Variants in IGF1R observed in about 807,000 individuals in gnomAD.
IGF1R encodes the protein insulin like growth factor 1 receptor.
A neutral mutation model predicts 144.6 loss-of-function variants in IGF1R; 44 were observed. That is an observed-to-expected ratio of 0.30 (90% CI 0.24 to 0.39). IGF1R has a LOEUF of 0.39. IGF1R is among the 10% of genes least tolerant of loss of function. IGF1R has a pLI of 1.00. For synonymous variants in IGF1R, 795 were observed against 722.8 expected (o/e 1.10, Z -1.60); for missense variants, 1,355 against 1,833.7 (o/e 0.74, Z 4.77).
intron 2 of IGF1R, among the ~76,000 whole-genome samples, chr15:98,799,108 G>T (rs897016426): frequency 2.0e-5 from 3 of 152,058 alleles, no homozygotes; most frequent in African/African-American, 7.2e-5. Context: ...ATGTTTTGAT[G>T]GTTGAAGGGC....
chr15:98,896,138 A>G (rs374832667), intron 3 of IGF1R, among the ~76,000 whole-genome samples: 18 of 152,316 alleles, frequency 1.2e-4, no homozygotes, highest in African/African-American at 4.3e-4. Context: ...CAAAAGCAAC[A>G]TTTGGATCAA....
intron 1 of IGF1R, among the ~76,000 whole-genome samples, chr15:98,685,865 T>G (rs113868972): frequency 0.011 from 1,618 of 152,304 alleles, 14 homozygotes; most frequent in Middle Eastern, 0.017. Flanking sequence ...CATTTTGAAC[T>G]TTAAAGGGTG....
At chr15:98,851,506 C>T (rs2011527180) in intron 2 of IGF1R, among the ~76,000 whole-genome samples, 1 of 152,182 alleles carries the variant, frequency 6.6e-6, no homozygotes, top group Non-Finnish European at 1.5e-5. Flanking sequence ...TCCTACCTTC[C>T]CAGTCCTCCA....
chr15:98,840,272 CAG>C (rs2011151161), intron 2 of IGF1R, among the ~76,000 whole-genome samples: 1 of 152,200 alleles, frequency 6.6e-6, no homozygotes, highest in Admixed American at 6.5e-5. Context: ...ACTGCAAAAA[CAG>C]TGCGCACTGT....
At chr15:98,714,150 A>T (rs2054059920) in intron 2 of IGF1R, among the ~76,000 whole-genome samples, 4 of 151,452 alleles carry the variant, frequency 2.6e-5, no homozygotes, top group African/African-American at 7.3e-5. Flanking sequence ...CATCTCACTG[A>T]CTTAAAATGA....
chr15:98,934,684 A>G (rs1407436876), intron 15 of IGF1R, 140 bp from the exon 16 acceptor site: 2 of 741,822 alleles, frequency 2.7e-6, no homozygotes, highest in East Asian at 5.4e-5. Context: ...AGTTGACATC[A>G]AGCCATGCCA....
chr15:98,649,549 TGAGA>T lies in IGF1R; in HGVS notation c.-32_-29del. On this transcript the variant is annotated 5_prime_UTR_variant, in exon 1 of 21. Transcript: ENST00000650285. ...TCTTTTTTTTTTTTTTTTTTTTTTT[TGAGA>T]AAGGGGAATTTCATCCCAAATAAAA... 9 of 651,908 alleles carry T rather than the reference TGAGA, an allele frequency of 1.4e-5. No individual in the cohort carries two copies. Among genetic ancestry groups the T allele is most frequent in the Admixed American group, 3.5e-5 (1 of 28,442 alleles). The allele number at this position is 651,908 out of a possible 1,614,324, so 40.4% of individuals were successfully genotyped here.
intron 2 of IGF1R, among the ~76,000 whole-genome samples, chr15:98,723,345 T>A (rs1181252618): frequency 6.6e-6 from 1 of 152,200 alleles, no homozygotes; most frequent in Non-Finnish European, 1.5e-5. Flanking sequence ...AAACTCTGCA[T>A]ATGATCTTTG....
chr15:98,750,439 T>TC (rs1318774048), intron 2 of IGF1R, among the ~76,000 whole-genome samples: 1 of 152,216 alleles, frequency 6.6e-6, no homozygotes, highest in Admixed American at 6.5e-5. Context: ...TAGGGATTTG[T>TC]CCAAGAGCAG....
intron 17 of IGF1R, among the ~76,000 whole-genome samples, chr15:98,936,754 C>G (rs1042412902): frequency 6.6e-6 from 1 of 152,072 alleles, no homozygotes; most frequent in South Asian, 2.1e-4. Context: ...CAAGTGTGGA[C>G]TGGGGCTTCA....
intron 1 of IGF1R, among the ~76,000 whole-genome samples, chr15:98,693,667 A>G (rs2053532427): frequency 2.6e-5 from 4 of 152,134 alleles, no homozygotes; most frequent in South Asian, 2.1e-4. Flanking sequence ...GTGCAATGGC[A>G]TGATCTCGGC....
chr15:98,855,998 T>C (rs888553501), intron 2 of IGF1R, among the ~76,000 whole-genome samples: 4 of 152,228 alleles, frequency 2.6e-5, no homozygotes, highest in Non-Finnish European at 5.9e-5. Flanking sequence ...AGCATGAAGC[T>C]GCTGTATAGT....
intron 2 of IGF1R, among the ~76,000 whole-genome samples, chr15:98,811,336 C>T (rs1459163529): frequency 6.1e-5 from 9 of 146,626 alleles, no homozygotes; most frequent in African/African-American, 7.6e-5. Flanking sequence ...CTGGCTAACA[C>T]GGTGAAACCC....
At chr15:98,677,331 C>G in intron 1 of IGF1R, among the ~76,000 whole-genome samples, 1 of 152,158 alleles carries the variant, frequency 6.6e-6, no homozygotes, top group Non-Finnish European at 1.5e-5. Flanking sequence ...GTTGATTGCT[C>G]TTATTCGTTA....
intron 15 of IGF1R, among the ~76,000 whole-genome samples, 183 bp downstream of exon 15, chr15:98,930,488 C>A (rs1223803097): frequency 6.6e-6 from 1 of 151,702 alleles, no homozygotes; most frequent in African/African-American, 2.4e-5. Flanking sequence ...TTTAGCAGTT[C>A]AGTGAATATG....
intron 1 of IGF1R, among the ~76,000 whole-genome samples, chr15:98,695,691 T>G (rs1011844407): frequency 6.6e-6 from 1 of 152,200 alleles, no homozygotes; most frequent in African/African-American, 2.4e-5. Context: ...ATTACCTCTT[T>G]AGGCAGTCCA....
intron 1 of IGF1R, among the ~76,000 whole-genome samples, chr15:98,665,243 G>C (rs569691382): frequency 1.3e-5 from 2 of 152,116 alleles, no homozygotes; most frequent in African/African-American, 2.4e-5. Flanking sequence ...GAGCCACCGC[G>C]CCCGGCAGGA....
chr15:98,661,955 C>CTTTT (rs1567062333), intron 1 of IGF1R, among the ~76,000 whole-genome samples: 2 of 108,206 alleles, frequency 1.8e-5, no homozygotes, highest in African/African-American at 8.5e-5. Flanking sequence ...TGAATAGGGC[C>CTTTT]CTTTTTTTTT....
chr15:98,843,045 A>C (rs2011202755), intron 2 of IGF1R, among the ~76,000 whole-genome samples: 1 of 152,216 alleles, frequency 6.6e-6, no homozygotes, highest in Non-Finnish European at 1.5e-5. Context: ...GAAAGTTGCA[A>C]GTCAAACTGC....
Sources: gnomAD v4.1 joint callset for allele counts (sites outside exome capture counted in the v4.1 genomes callset) on GRCh38, gnomAD v4.1.1 for gene constraint, MANE v1.5 for transcripts, NCBI Gene and HGNC (gene_info 2026-07-23, HGNC 2026-07-21) for gene names.